PAK4: variants seen among roughly 807,000 people sequenced by gnomAD.
PAK4 encodes the protein p21 (RAC1) activated kinase 4, also known as serine/threonine-protein kinase PAK 4.
PAK4 carries 49 observed loss-of-function variants against 53.5 expected under a neutral mutation model. The ratio of observed to expected loss-of-function variants is 0.92; its 90% CI spans 0.73 to 1.16. The LOEUF is 1.16. PAK4 is among the 50% of genes most tolerant of loss of function. The pLI is 0.00. For missense variants in PAK4, 824 were observed against 850.7 expected, an observed-to-expected ratio of 0.97 and a Z score of 0.39; for synonymous variants, 376 against 375.6, an observed-to-expected ratio of 1.00 and a Z score of -0.01.
intron 1 of PAK4, among the ~76,000 whole-genome samples, chr19:39,167,621 CCG>C (rs1346334718): frequency 6.6e-6 from 1 of 152,176 alleles, no homozygotes; most frequent in Non-Finnish European, 1.5e-5. Flanking sequence ...TTGGCCAGGC[CCG>C]GCTCTGACCA....
At chr19:39,150,610 C>T (rs2074078326) in intron 1 of PAK4, among the ~76,000 whole-genome samples, 1 of 152,086 alleles carries the variant, frequency 6.6e-6, no homozygotes, top group Non-Finnish European at 1.5e-5. Context: ...CAGGCCTGGA[C>T]CAGGTGGAGT....
At chr19:39,130,223 G>A (rs537022023) in intron 1 of PAK4, among the ~76,000 whole-genome samples, 9 of 111,600 alleles carry the variant, frequency 8.1e-5, no homozygotes, top group African/African-American at 3.2e-4. Flanking sequence ...AGAGGGATCA[G>A]GGTGGGACTG....
chr19:39,152,101 A>G (rs548499934), intron 1 of PAK4: 1 of 145,072 alleles, frequency 6.9e-6, no homozygotes, highest in African/African-American at 2.5e-5. Context: ...AGTTATCGTG[A>G]TTTTTTTTTT....
chr19:39,130,602 A>G (rs2073690322), intron 1 of PAK4, among the ~76,000 whole-genome samples: 1 of 152,100 alleles, frequency 6.6e-6, no homozygotes, highest in Admixed American at 6.5e-5. Context: ...TATGCTGTGC[A>G]CCCTGACTGT....
chr19:39,139,739 G>A (rs1568500730), intron 1 of PAK4, among the ~76,000 whole-genome samples: 1 of 152,110 alleles, frequency 6.6e-6, no homozygotes, highest in Admixed American at 6.6e-5. Context: ...TGCGCCTTAG[G>A]GTCACCCGGG....
At chr19:39,144,121 C>T (rs56180514) in intron 1 of PAK4, among the ~76,000 whole-genome samples, 78,144 of 134,460 alleles carry the variant, frequency 0.58, 21,971 homozygotes, top group East Asian at 0.82. Context: ...GATAGATAGA[C>T]AGACAGACAG....
intron 1 of PAK4, among the ~76,000 whole-genome samples, chr19:39,130,600 G>A (rs1184158177): frequency 6.6e-6 from 1 of 152,016 alleles, no homozygotes; most frequent in African/African-American, 2.4e-5. Context: ...GCTATGCTGT[G>A]CACCCTGACT....
rs2074509849 is a variant in PAK4 at position 39,172,864 on chromosome 19, C to CCT, written c.205-53_205-52dup. 4 of 1,418,472 alleles carry CCT rather than the reference C, an allele frequency of 2.8e-6. No individual in the cohort carries two copies. In the Admixed American group the frequency reaches 8.7e-5, roughly 31 times the overall value. 87.9% of individuals were successfully genotyped at this position (1,418,472 alleles called of 1,614,324 possible). A position where few individuals can be genotyped will look rare whatever the true frequency, so the allele number is the denominator to read the frequency against. On this transcript the variant is annotated intron_variant, in intron 2 of 8. Transcript: ENST00000358301. ...CTGTCCCTGCGTGTCGGATGCACGT[C>CCT]CTGTGTGCCCCACTCCTTGCTGGGC...
At chr19:39,136,837 C>A (rs948927564) in intron 1 of PAK4, among the ~76,000 whole-genome samples, 5 of 152,206 alleles carry the variant, frequency 3.3e-5, no homozygotes, top group African/African-American at 1.2e-4. Flanking sequence ...CTGGGTGGGG[C>A]ACACCGGGAA....
At chr19:39,171,540 C>T (rs562508380) in intron 2 of PAK4, among the ~76,000 whole-genome samples, 1 of 152,312 alleles carries the variant, frequency 6.6e-6, no homozygotes, top group East Asian at 1.9e-4. Flanking sequence ...GGCCTTGTGT[C>T]CACCTTGACT....
chr19:39,174,643 T>C (rs1371461090), intron 4 of PAK4, among the ~76,000 whole-genome samples: 1 of 151,936 alleles, frequency 6.6e-6, no homozygotes, highest in Non-Finnish European at 1.5e-5. Flanking sequence ...TGTCCGGGTC[T>C]CAGCCCTGTG....
In PAK4 at chr19:39,175,260, G is replaced by A. The variant is rs975667644; in HGVS notation, c.1233-52G>A. ...GCAAGGCAGGGCTGCGTCCCCCTCG[G>A]CACCCCGGGGTGCTGTCCAGCTGGC... On this transcript the variant is annotated intron_variant, in intron 5 of 8. Coordinates refer to ENST00000358301, the Ensembl canonical transcript of PAK4. This position sits in a 1 kb window ranked among gnomAD's most constrained non-coding sequence, Gnocchi z 4.7. 5.5e-5 allele frequency: 84 copies of A among 1,535,302 alleles called. No homozygotes were observed. The highest frequency in any genetic ancestry group is 1.7e-4 in the Middle Eastern group (1 of 5,778).
At position 39,173,578 on chromosome 19, in the gene PAK4, G is replaced by C. The variant is rs777229064; in HGVS notation, c.666G>C (p.Gly222=). Residue 222 remains glycine, a splice_region_variant and synonymous_variant, in exon 4 of 9, where the codon GGG becomes GGC. Coordinates refer to ENST00000358301, the Ensembl canonical transcript of PAK4. The surrounding 1 kb of genome is among the most constrained non-coding windows in gnomAD (Gnocchi z 6.9). ...CAGCTACCTCTCTTCTGTTTCAGGG[G>C]GAGCCTCATGACGTGGCCCCTAACG... The C allele has an allele frequency of 2.0e-5, 31 of 1,519,934 alleles. No homozygotes were observed. Among genetic ancestry groups the C allele is most frequent in the African/African-American group, 1.4e-5 (1 of 71,758 alleles). 94.2% of individuals were successfully genotyped at this position (1,519,934 alleles called of 1,614,324 possible).
chr19:39,177,252 C>T (rs1447357898), intron 7 of PAK4, among the ~76,000 whole-genome samples: 2 of 152,186 alleles, frequency 1.3e-5, no homozygotes, highest in African/African-American at 4.8e-5. Flanking sequence ...TGGGAAGTGT[C>T]TCCCACCTAT....
At chr19:39,177,773 G>A (rs767808811) in exon 8 of PAK4, 1 of 1,613,412 alleles carries the variant, frequency 6.2e-7, no homozygotes, top group South Asian at 1.1e-5. Flanking sequence ...AGATGATTCG[G>A]GACAACCTGC....
At chr19:39,139,046 C>A (rs1334977292) in intron 1 of PAK4, among the ~76,000 whole-genome samples, 2 of 152,186 alleles carry the variant, frequency 1.3e-5, no homozygotes, top group East Asian at 3.9e-4. Flanking sequence ...TCACATCATC[C>A]CCCACAGCCC....
chr19:39,129,371 C>T (rs1013008258), intron 1 of PAK4, among the ~76,000 whole-genome samples: 1 of 151,980 alleles, frequency 6.6e-6, no homozygotes, highest in African/African-American at 2.4e-5. Context: ...GGAGCTATAA[C>T]CGTGCAGCAG....
chr19:39,173,635 G>GTCC lies in PAK4; in HGVS notation c.739_741dup (p.Ser247dup), dbSNP rs754906604. 2.1e-5 allele frequency: 33 copies of GTCC among 1,561,858 alleles called. No individual in the cohort carries two copies. Among genetic ancestry groups the GTCC allele is most frequent in the East Asian group, 4.5e-5 (2 of 44,296 alleles). On this transcript the variant is annotated inframe_insertion, in exon 4 of 9. Coordinates refer to ENST00000358301, the Ensembl canonical transcript of PAK4. The surrounding 1 kb of genome is among the most constrained non-coding windows in gnomAD (Gnocchi z 6.9). ...CAGCGGGGGGCCTGGCCATCCCCCA[G>GTCC]TCCTCCTCCTCCTCCTCCCGGCCTC...
chr19:39,145,042 A>G (rs2073977256), intron 1 of PAK4, among the ~76,000 whole-genome samples: 1 of 152,150 alleles, frequency 6.6e-6, no homozygotes, highest in Admixed American at 6.5e-5. Context: ...GCTCCCTGAA[A>G]GCCCTCTCCT....
Sources: gnomAD v4.1 joint callset for allele counts (sites outside exome capture counted in the v4.1 genomes callset) on GRCh38, gnomAD v4.1.1 for gene constraint, Gnocchi (gnomAD v3.1) non-coding constraint, MANE v1.5 for transcripts, NCBI Gene and HGNC (gene_info 2026-07-23, HGNC 2026-07-21) for gene names.